Variants in MTUS2 observed in about 807,000 individuals in gnomAD.
The protein encoded by MTUS2 is microtubule-associated tumor suppressor candidate 2.
A neutral mutation model predicts 114.1 loss-of-function variants in MTUS2; 40 were observed. The observed-to-expected ratio is 0.35, with a 90% CI of 0.27 to 0.46. The LOEUF is 0.46. MTUS2 is among the 20% of genes least tolerant of loss of function. The probability of loss-of-function intolerance (pLI) is 1.00; values close to 1 mark genes in which losing one functional copy is unlikely to be tolerated. For missense variants in MTUS2, 1,679 were observed against 1,705.4 expected, an observed-to-expected ratio of 0.98 and a Z score of 0.27; for synonymous variants, 688 against 672.0, an observed-to-expected ratio of 1.02 and a Z score of -0.37.
At chr13:29,220,512 G>A (rs1480392833) in intron 5 of MTUS2, among the ~76,000 whole-genome samples, 1 of 152,114 alleles carries the variant, frequency 6.6e-6, no homozygotes, top group Non-Finnish European at 1.5e-5. Context: ...TTATTAATTG[G>A]CCTAATTTCA....
chr13:29,105,595 A>C (rs1236728434), intron 5 of MTUS2, among the ~76,000 whole-genome samples: 1 of 151,742 alleles, frequency 6.6e-6, no homozygotes, highest in Non-Finnish European at 1.5e-5. Context: ...AACAGAAATC[A>C]TGGGGCAAAG....
intron 4 of MTUS2, among the ~76,000 whole-genome samples, chr13:29,096,322 T>C (rs1206857519): frequency 2.0e-5 from 3 of 152,226 alleles, no homozygotes; most frequent in Non-Finnish European, 2.9e-5. Context: ...GGTATCACAT[T>C]CAGCTGTCAG....
chr13:28,831,071 C>T (rs912315367), intron 1 of MTUS2, among the ~76,000 whole-genome samples: 3 of 151,804 alleles, frequency 2.0e-5, no homozygotes, highest in Non-Finnish European at 4.4e-5. Context: ...CACACATCCA[C>T]AGGAAGAAAT....
intron 2 of MTUS2, among the ~76,000 whole-genome samples, chr13:28,972,426 T>C (rs2138259429): frequency 6.6e-6 from 1 of 152,358 alleles, no homozygotes; most frequent in East Asian, 1.9e-4. Flanking sequence ...GCTAAAATCA[T>C]GCCTGCTCAG....
chr13:29,482,485 T>G (rs954744715), intron 10 of MTUS2: 1 of 152,366 alleles, frequency 6.6e-6, no homozygotes, highest in Non-Finnish European at 1.5e-5. Flanking sequence ...AGCCCTGCGC[T>G]CTGTTCATGA....
intron 1 of MTUS2, among the ~76,000 whole-genome samples, chr13:28,826,454 A>G (rs920740156): frequency 2.0e-5 from 3 of 152,180 alleles, no homozygotes; most frequent in Non-Finnish European, 4.4e-5. Context: ...ATGATCTCTG[A>G]GGTCCTCTCC....
chr13:29,123,615 G>C (rs1214581062), intron 5 of MTUS2, among the ~76,000 whole-genome samples: 1 of 152,122 alleles, frequency 6.6e-6, no homozygotes, highest in Non-Finnish European at 1.5e-5. Context: ...TACTCAGGAG[G>C]CTGAGGCAGG....
chr13:28,822,549 T>C (rs1873976299), intron 1 of MTUS2, among the ~76,000 whole-genome samples: 1 of 152,126 alleles, frequency 6.6e-6, no homozygotes, highest in Non-Finnish European at 1.5e-5. Flanking sequence ...GTCCTTTCTA[T>C]CTCCAGCAGA....
intron 9 of MTUS2, among the ~76,000 whole-genome samples, chr13:29,470,777 C>G (rs1467476696): frequency 1.3e-5 from 2 of 152,240 alleles, no homozygotes; most frequent in Non-Finnish European, 2.9e-5. Context: ...CATGGGCACT[C>G]AGGCCCCACT....
chr13:29,351,780 T>G (rs1387186934), intron 7 of MTUS2, among the ~76,000 whole-genome samples: 5 of 7,272 alleles, frequency 6.9e-4, no homozygotes, highest in African/African-American at 9.3e-4. Flanking sequence ...TTTTGTTTAT[T>G]TTTTTTTTTT....
At chr13:28,821,623 C>T (rs1298051840) in intron 1 of MTUS2, among the ~76,000 whole-genome samples, 1 of 152,188 alleles carries the variant, frequency 6.6e-6, no homozygotes, top group Non-Finnish European at 1.5e-5. Context: ...CTTGTCCCTC[C>T]TCCACCCAGT....
At chr13:29,004,384 A>T (rs1885514878) in intron 2 of MTUS2, among the ~76,000 whole-genome samples, 1 of 104,692 alleles carries the variant, frequency 9.6e-6, no homozygotes, top group Non-Finnish European at 2.0e-5. Flanking sequence ...ATATAGTATT[A>T]TATATTCAAA....
intron 5 of MTUS2, among the ~76,000 whole-genome samples, chr13:29,244,210 C>T (rs117992579): frequency 6.6e-6 from 1 of 152,222 alleles, no homozygotes; most frequent in East Asian, 1.9e-4. Flanking sequence ...GTGCAGATGG[C>T]CCACCTGTAG....
At chr13:29,015,141 G>A (rs1239514678) in intron 2 of MTUS2, among the ~76,000 whole-genome samples, 1 of 152,240 alleles carries the variant, frequency 6.6e-6, no homozygotes, top group East Asian at 1.9e-4. Context: ...ACTGTTTGGA[G>A]ATGATAGAAC....
chr13:28,944,582 C>T (rs1882419422), intron 2 of MTUS2, among the ~76,000 whole-genome samples: 1 of 152,122 alleles, frequency 6.6e-6, no homozygotes, highest in Non-Finnish European at 1.5e-5. Flanking sequence ...TTCTATTGCT[C>T]TTTCTTATGG....
chr13:29,288,693 A>G (rs1272389455), intron 6 of MTUS2, among the ~76,000 whole-genome samples: 1 of 152,166 alleles, frequency 6.6e-6, no homozygotes, highest in Non-Finnish European at 1.5e-5. Context: ...GTCTTTGTCT[A>G]AGGCTGGAGG....
rs538106140 is a variant in MTUS2, at chr13:28,869,817, G to A, written c.-243+29967G>A. Among the ~76,000 whole-genome samples the A allele has an allele frequency of 5.9e-5, 9 of 152,190 alleles. No individual in the cohort carries two copies. In the South Asian group the frequency reaches 1.9e-3, roughly 32 times the overall value. On this transcript the variant is annotated intron_variant, in intron 2 of 15. Transcript: ENST00000612955. ...AAAAAGTAGTAAAACCAAAAGCGAAGTGAGCAGACCCCTATATTTTATGTG... is the reference window on the plus strand; with the variant it reads ...AAAAAGTAGTAAAACCAAAAGCGAAATGAGCAGACCCCTATATTTTATGTG...
intron 2 of MTUS2, among the ~76,000 whole-genome samples, chr13:28,882,422 A>T (rs1878348148): frequency 6.6e-6 from 1 of 152,186 alleles, no homozygotes; most frequent in South Asian, 2.1e-4. Flanking sequence ...AGCATGGCCC[A>T]TAAAGGAAAA....
intron 5 of MTUS2, among the ~76,000 whole-genome samples, chr13:29,150,140 A>G (rs534713016): frequency 5.9e-5 from 9 of 152,286 alleles, no homozygotes; most frequent in Non-Finnish European, 1.2e-4. Context: ...GATTCTTCCT[A>G]TTCATGAGCA....
Sources: gnomAD v4.1 joint callset for allele counts (sites outside exome capture counted in the v4.1 genomes callset) on GRCh38, gnomAD v4.1.1 for gene constraint, MANE v1.5 for transcripts, NCBI Gene and HGNC (gene_info 2026-07-23, HGNC 2026-07-21) for gene names.